NRG1: variants seen among roughly 807,000 people sequenced by gnomAD.
NRG1 encodes the protein pro-neuregulin-1, membrane-bound isoform.
In NRG1, 18 loss-of-function variants were observed where a neutral mutation model predicts 63.8. The observed-to-expected ratio is 0.28, with a 90% CI of 0.19 to 0.42. The LOEUF is 0.42. Ranked by LOEUF, NRG1 falls within the 10% of genes least tolerant of loss-of-function variation. NRG1 has a pLI of 1.00. For synonymous variants in NRG1, 302 were observed against 301.3 expected, an observed-to-expected ratio of 1.00 and a Z score of -0.02; for missense variants, 762 against 814.7, an observed-to-expected ratio of 0.94 and a Z score of 0.79.
At chr8:31,722,456 G>A (rs145709653) in intron 1 of NRG1, among the ~76,000 whole-genome samples, 2 of 152,178 alleles carry the variant, frequency 1.3e-5, no homozygotes, top group African/African-American at 2.4e-5. Context: ...GTGGCACAGA[G>A]TCCCCAGGGT....
At chr8:32,365,741 G>A (rs908528156) in intron 1 of NRG1, among the ~76,000 whole-genome samples, 10 of 152,140 alleles carry the variant, frequency 6.6e-5, no homozygotes, top group African/African-American at 1.9e-4. Flanking sequence ...ACTGTGATCC[G>A]GTAAAGCTGG....
chr8:31,755,503 G>A (rs941277121), intron 1 of NRG1, among the ~76,000 whole-genome samples: 8 of 152,066 alleles, frequency 5.3e-5, no homozygotes, highest in African/African-American at 1.9e-4. Context: ...ACTAGCAAGT[G>A]TTCAAGTTTC....
chr8:32,412,441 T>TACAC (rs1246016477), intron 1 of NRG1, among the ~76,000 whole-genome samples: 3 of 49,638 alleles, frequency 6.0e-5, no homozygotes, highest in Non-Finnish European at 9.8e-5. Flanking sequence ...TATATATATA[T>TACAC]ATATATATAT....
intron 1 of NRG1, among the ~76,000 whole-genome samples, chr8:32,420,248 C>T (rs1587535268): frequency 6.6e-6 from 1 of 152,264 alleles, no homozygotes; most frequent in South Asian, 2.1e-4. Context: ...TGGCTTGTGG[C>T]TCCACTTCCC....
At chr8:31,747,680 T>G (rs1816029642) in intron 1 of NRG1, among the ~76,000 whole-genome samples, 1 of 151,946 alleles carries the variant, frequency 6.6e-6, no homozygotes, top group African/African-American at 2.4e-5. Context: ...ACCTTGGCCA[T>G]GTTAGTTGGC....
intron 1 of NRG1, among the ~76,000 whole-genome samples, chr8:32,461,940 C>G (rs182092613): frequency 6.6e-6 from 1 of 152,180 alleles, no homozygotes; most frequent in South Asian, 2.1e-4. Context: ...AGCTTGAACT[C>G]GAAAAGTTTT....
chr8:31,955,286 T>C (rs1266664471), intron 1 of NRG1, among the ~76,000 whole-genome samples: 1 of 152,168 alleles, frequency 6.6e-6, no homozygotes, highest in Non-Finnish European at 1.5e-5. Context: ...GTGAATGAAA[T>C]AGGATCTCCA....
chr8:32,221,399 A>C (rs1229095916), intron 1 of NRG1, among the ~76,000 whole-genome samples: 1 of 152,202 alleles, frequency 6.6e-6, no homozygotes, highest in Non-Finnish European at 1.5e-5. Context: ...TAGGGTTGAA[A>C]ATATGAACAG....
At chr8:32,762,656 T>C (rs1156643047) in intron 11 of NRG1, among the ~76,000 whole-genome samples, 1 of 152,208 alleles carries the variant, frequency 6.6e-6, no homozygotes, top group African/African-American at 2.4e-5. Context: ...GTTCAGATGA[T>C]GGCATTCCAT....
intron 1 of NRG1, among the ~76,000 whole-genome samples, chr8:32,022,239 G>A (rs1816569175): frequency 6.6e-6 from 1 of 152,092 alleles, no homozygotes; most frequent in Non-Finnish European, 1.5e-5. Context: ...TTTTTTGCTT[G>A]ACTTATTGCT....
chr8:31,788,728 A>T (rs1243748192), intron 1 of NRG1, among the ~76,000 whole-genome samples: 1 of 152,192 alleles, frequency 6.6e-6, no homozygotes, highest in Non-Finnish European at 1.5e-5. Context: ...ACACTACATT[A>T]GTTAACTCTC....
At chr8:32,330,247 C>T (rs1358915316) in intron 1 of NRG1, among the ~76,000 whole-genome samples, 2 of 151,946 alleles carry the variant, frequency 1.3e-5, no homozygotes, top group Admixed American at 1.3e-4. Context: ...GGATGGAGCA[C>T]TTGATTAGAT....
At chr8:32,137,435 C>A (rs1835689350) in intron 1 of NRG1, among the ~76,000 whole-genome samples, 1 of 151,928 alleles carries the variant, frequency 6.6e-6, no homozygotes, top group Non-Finnish European at 1.5e-5. Context: ...GAGTGAGACC[C>A]CATCTCAAAA....
chr8:31,961,972 C>G (rs1805530951), intron 1 of NRG1, among the ~76,000 whole-genome samples: 1 of 129,652 alleles, frequency 7.7e-6, no homozygotes, highest in Non-Finnish European at 1.8e-5. Context: ...CTGTTTCCTT[C>G]TATTGGGACT....
At chr8:32,666,929 A>G (rs954039951) in intron 5 of NRG1, among the ~76,000 whole-genome samples, 1 of 152,226 alleles carries the variant, frequency 6.6e-6, no homozygotes, top group Non-Finnish European at 1.5e-5. Flanking sequence ...CGTGTATTGC[A>G]ACATGCATCA....
chr8:32,004,168 G>T (rs1813375937), intron 1 of NRG1, among the ~76,000 whole-genome samples: 1 of 151,902 alleles, frequency 6.6e-6, no homozygotes, highest in Non-Finnish European at 1.5e-5. Context: ...GACCTTCTGG[G>T]AAAGGGAAGA....
chr8:32,717,659 T>C (rs1196363487), intron 5 of NRG1, among the ~76,000 whole-genome samples: 1 of 152,200 alleles, frequency 6.6e-6, no homozygotes, highest in African/African-American at 2.4e-5. Flanking sequence ...AAACTGGCTA[T>C]TTATGTCCAC....
chr8:31,862,268 G>A (rs1828537137), intron 1 of NRG1, among the ~76,000 whole-genome samples: 1 of 152,136 alleles, frequency 6.6e-6, no homozygotes, highest in Admixed American at 6.6e-5. Context: ...GGGAGAGTGG[G>A]AGAGATGGGT....
chr8:31,913,485 C>T (rs374001621), intron 1 of NRG1, among the ~76,000 whole-genome samples: 1 of 152,098 alleles, frequency 6.6e-6, no homozygotes, highest in Non-Finnish European at 1.5e-5. Context: ...CAAAATCCAC[C>T]ATGCTTATTT....
Sources: gnomAD v4.1 joint callset for allele counts (sites outside exome capture counted in the v4.1 genomes callset) on GRCh38, gnomAD v4.1.1 for gene constraint, MANE v1.5 for transcripts, NCBI Gene and HGNC (gene_info 2026-07-23, HGNC 2026-07-21) for gene names.